BMPR1B: variants seen among roughly 807,000 people sequenced by gnomAD.
BMPR1B encodes bone morphogenetic protein receptor type 1B.
Under a neutral mutation model 59.1 loss-of-function variants are expected in BMPR1B, and 12 were observed. The ratio of observed to expected loss-of-function variants is 0.20; its 90% CI spans 0.13 to 0.33. The LOEUF is 0.33. BMPR1B is among the 10% of genes least tolerant of loss of function. The pLI is 1.00. For missense variants in BMPR1B, 550 were observed against 610.9 expected, an observed-to-expected ratio of 0.90 and a Z score of 1.05; for synonymous variants, 237 against 207.3, an observed-to-expected ratio of 1.14 and a Z score of -1.23.
At chr4:95,030,136 C>G (rs1402544526) in intron 3 of BMPR1B, among the ~76,000 whole-genome samples, 1 of 151,750 alleles carries the variant, frequency 6.6e-6, no homozygotes, top group Non-Finnish European at 1.5e-5. Context: ...TCCCATTTGT[C>G]AATTTTGGCT....
intron 3 of BMPR1B, among the ~76,000 whole-genome samples, chr4:95,065,607 G>T (rs759950560): frequency 5.9e-5 from 9 of 152,030 alleles, no homozygotes; most frequent in Non-Finnish European, 1.3e-4. Context: ...TTATAAAAAT[G>T]AATTGTAAGA....
chr4:94,808,034 A>G (rs920952268), intron 1 of BMPR1B, among the ~76,000 whole-genome samples: 5 of 152,154 alleles, frequency 3.3e-5, no homozygotes, highest in Non-Finnish European at 7.4e-5. Flanking sequence ...TTCCAGTGCA[A>G]CATTGTACTT....
intron 1 of BMPR1B, among the ~76,000 whole-genome samples, chr4:94,849,793 G>GGTGTGTGTGT (rs1553912364): frequency 5.1e-3 from 137 of 26,928 alleles, no homozygotes; most frequent in African/African-American, 0.042. Context: ...GGGGTTTTTT[G>GGTGTGTGTGT]GTGTGTGTGT....
At chr4:94,936,400 A>G (rs1047323374) in intron 2 of BMPR1B, among the ~76,000 whole-genome samples, 1 of 152,200 alleles carries the variant, frequency 6.6e-6, no homozygotes. Flanking sequence ...TAGACTATTT[A>G]CTGCTTTCAA....
chr4:94,802,038 A>T (rs1723428858), intron 1 of BMPR1B, among the ~76,000 whole-genome samples: 1 of 152,214 alleles, frequency 6.6e-6, no homozygotes. Context: ...TAAGGTGTTG[A>T]TTAAATGCAT....
chr4:94,840,929 A>AGATGGGT (rs2148934601), intron 1 of BMPR1B, among the ~76,000 whole-genome samples: 1 of 147,016 alleles, frequency 6.8e-6, no homozygotes, highest in East Asian at 1.9e-4. Context: ...GGTGATGTAC[A>AGATGGGT]GATGGGTTTT....
intron 10 of BMPR1B, among the ~76,000 whole-genome samples, chr4:95,141,495 C>G (rs780411578): frequency 1.9e-4 from 29 of 152,270 alleles, no homozygotes; most frequent in African/African-American, 7.0e-4. Flanking sequence ...GAGAGATTTC[C>G]TGCTCATATA....
At chr4:95,103,176 C>G (rs983881550) in intron 3 of BMPR1B, among the ~76,000 whole-genome samples, 6 of 151,604 alleles carry the variant, frequency 4.0e-5, no homozygotes, top group African/African-American at 1.5e-4. Flanking sequence ...CTATTTTTTT[C>G]TGTAAGAATT....
chr4:95,047,854 T>A (rs1726160446), intron 3 of BMPR1B, among the ~76,000 whole-genome samples: 1 of 152,138 alleles, frequency 6.6e-6, no homozygotes. Flanking sequence ...TACATGGGCA[T>A]ATTGTGTGTT....
chr4:94,777,191 C>T (rs1256945177), intron 1 of BMPR1B, among the ~76,000 whole-genome samples: 2 of 152,020 alleles, frequency 1.3e-5, no homozygotes. Flanking sequence ...TACAATTCTA[C>T]CAGCAGAGTA....
intron 1 of BMPR1B, among the ~76,000 whole-genome samples, chr4:94,840,721 G>A (rs1725023522): frequency 6.8e-6 from 1 of 147,670 alleles, no homozygotes; most frequent in Admixed American, 6.7e-5. Context: ...TCCTCCCGTA[G>A]CTCAGAGTAA....
intron 2 of BMPR1B, among the ~76,000 whole-genome samples, chr4:94,957,156 A>G (rs1174775340): frequency 6.6e-6 from 1 of 152,048 alleles, no homozygotes; most frequent in Non-Finnish European, 1.5e-5. Context: ...CTTCTCATTC[A>G]CAGATCTTGC....
chr4:95,000,724 A>G (rs908736415), intron 3 of BMPR1B, among the ~76,000 whole-genome samples: 4 of 152,258 alleles, frequency 2.6e-5, no homozygotes, highest in Admixed American at 1.3e-4. Flanking sequence ...TTGCCTTAGT[A>G]TGGAAAGATT....
chr4:94,830,073 G>A (rs541576075), intron 1 of BMPR1B, among the ~76,000 whole-genome samples: 29 of 152,238 alleles, frequency 1.9e-4, no homozygotes, highest in Non-Finnish European at 3.5e-4. Context: ...ATAGTTATCA[G>A]CTAGTTCTGA....
chr4:94,917,800 G>C lies in BMPR1B; in HGVS notation c.-113+41900G>C, dbSNP rs375386225. Among the ~76,000 whole-genome samples, 11 of 152,254 alleles carry C rather than the reference G, an allele frequency of 7.2e-5. No individual in the cohort carries two copies. In the East Asian group the frequency reaches 2.1e-3, roughly 29 times the overall value. The stretch of plus-strand genomic sequence containing the variant: ...GGACATGAAATTTGGGAAGGGCCAG[G>C]GCGGAATAATACAGTTTGGATATTT... On this transcript the variant is annotated intron_variant, in intron 2 of 12. Coordinates refer to ENST00000515059, the MANE Select transcript of BMPR1B (RefSeq NM_001203.3).
chr4:94,902,061 G>GTGTGTGTGTGTGTGTGTT, intron 2 of BMPR1B, among the ~76,000 whole-genome samples: 1 of 110,460 alleles, frequency 9.1e-6, no homozygotes, highest in African/African-American at 2.9e-5. Context: ...GTGTGTGTGT[G>GTGTGTGTGTGTGTGTGTT]TGTGTGTGTG....
At chr4:94,892,964 G>C (rs1727456397) in intron 2 of BMPR1B, among the ~76,000 whole-genome samples, 1 of 151,978 alleles carries the variant, frequency 6.6e-6, no homozygotes, top group Non-Finnish European at 1.5e-5. Flanking sequence ...GTAAAGTGGG[G>C]ATATCAGTCC....
chr4:94,886,521 C>G (rs1482958159), intron 2 of BMPR1B, among the ~76,000 whole-genome samples: 1 of 152,156 alleles, frequency 6.6e-6, no homozygotes, highest in Admixed American at 6.5e-5. Flanking sequence ...TTGTTGAATA[C>G]ACATTCTTTT....
intron 3 of BMPR1B, among the ~76,000 whole-genome samples, chr4:95,033,864 A>C (rs1456110972): frequency 6.6e-6 from 1 of 152,176 alleles, no homozygotes; most frequent in Non-Finnish European, 1.5e-5. Context: ...CACCCCTGGA[A>C]ATGTAACATA....
Sources: gnomAD v4.1 joint callset for allele counts (sites outside exome capture counted in the v4.1 genomes callset) on GRCh38, gnomAD v4.1.1 for gene constraint, MANE v1.5 for transcripts, NCBI Gene and HGNC (gene_info 2026-07-23, HGNC 2026-07-21) for gene names.